SORBS2: variants seen among roughly 807,000 people sequenced by gnomAD.
SORBS2 encodes sorbin and SH3 domain-containing protein 2.
SORBS2 carries 46 observed loss-of-function variants against 97.7 expected under a neutral mutation model. That is an observed-to-expected ratio of 0.47 (90% confidence interval 0.37 to 0.60). SORBS2 has a LOEUF of 0.60. SORBS2 is among the 20% of genes least tolerant of loss of function. The pLI, the probability that SORBS2 is intolerant of heterozygous loss-of-function variation, is 0.00. For missense variants in SORBS2, 1,316 were observed against 1,282.3 expected (o/e 1.03, Z -0.40); for synonymous variants, 476 against 473.4 (o/e 1.01, Z -0.07).
chr4:185,634,422 A>C (rs1328744641), intron 4 of SORBS2, among the ~76,000 whole-genome samples: 1 of 152,140 alleles, frequency 6.6e-6, no homozygotes, highest in Non-Finnish European at 1.5e-5. Flanking sequence ...TGCAAAAAAC[A>C]GTTTATTTAC....
chr4:185,716,492 C>T (rs1045730863), intron 2 of SORBS2, among the ~76,000 whole-genome samples: 1 of 152,208 alleles, frequency 6.6e-6, no homozygotes, highest in Non-Finnish European at 1.5e-5. Context: ...GCCTTGGCAC[C>T]GACAGGTGTG....
chr4:185,741,553 C>T (rs559863543), intron 2 of SORBS2, among the ~76,000 whole-genome samples: 1 of 151,578 alleles, frequency 6.6e-6, no homozygotes, highest in African/African-American at 2.4e-5. Flanking sequence ...ATTTTTAGTA[C>T]AGATGGAGTT....
chr4:185,626,023 G>A (rs114125950), intron 6 of SORBS2, among the ~76,000 whole-genome samples: 4 of 152,286 alleles, frequency 2.6e-5, no homozygotes, highest in Non-Finnish European at 5.9e-5. Flanking sequence ...CCCACATTTG[G>A]TAGAGCCCTA....
At position 185,827,066 on chromosome 4, in the gene SORBS2, T is replaced by C. The variant is rs111393236; in HGVS notation, c.-337-51700A>G. On this transcript the variant is annotated intron_variant, in intron 1 of 20. Coordinates refer to the SORBS2 transcript ENST00000284776. The stretch of plus-strand genomic sequence containing the variant: ...ATCACCACCATCACCATCATCATCA[T>C]CACCATCATCATCACCATCATCACC... Among the ~76,000 whole-genome samples, 266 of 92,086 alleles carry C rather than the reference T, an allele frequency of 2.9e-3. 1 individual carries two copies. The highest frequency in any genetic ancestry group is 9.8e-3 in the African/African-American group (247 of 25,136). The allele number at this position is 92,086 out of a possible 152,430, so 60.4% of individuals were successfully genotyped here.
At chr4:185,743,054 T>A (rs2098737353) in intron 2 of SORBS2, among the ~76,000 whole-genome samples, 1 of 152,168 alleles carries the variant, frequency 6.6e-6, no homozygotes. Context: ...TTTACACCCA[T>A]CTGTGAAAGA....
chr4:185,647,250 G>A (rs930296843), intron 3 of SORBS2, among the ~76,000 whole-genome samples: 10 of 152,098 alleles, frequency 6.6e-5, no homozygotes, highest in African/African-American at 2.2e-4. Flanking sequence ...TTTGGTGTGA[G>A]CCTTGAAAAA....
At chr4:185,657,951 A>G (rs2097435947), upstream of SORBS2, among the ~76,000 whole-genome samples, 1 of 152,202 alleles carries the variant, frequency 6.6e-6, no homozygotes, top group Non-Finnish European at 1.5e-5. Context: ...AACCAGTGTT[A>G]TAGATAAGGG....
intron 4 of SORBS2, among the ~76,000 whole-genome samples, chr4:185,667,348 T>C (rs2097626583): frequency 6.6e-6 from 1 of 152,204 alleles, no homozygotes; most frequent in African/African-American, 2.4e-5. Flanking sequence ...TAATGACTGA[T>C]GTCATGCACG....
At chr4:185,870,353 T>C (rs1172250885) in intron 1 of SORBS2, among the ~76,000 whole-genome samples, 3 of 152,234 alleles carry the variant, frequency 2.0e-5, no homozygotes. Context: ...CAGAAGACTG[T>C]GAGCTCTGAG....
intron 1 of SORBS2, among the ~76,000 whole-genome samples, chr4:185,879,488 A>G (rs993952675): frequency 8.2e-4 from 125 of 152,306 alleles, no homozygotes; most frequent in Admixed American, 1.4e-3. Flanking sequence ...ATACGTGTGC[A>G]TGTGTCTTTA....
At position 185,938,217 on chromosome 4, in the gene SORBS2, C is replaced by T. The variant is rs184702305; in HGVS notation, c.-338+17979G>A. On this transcript the variant is annotated intron_variant, in intron 1 of 20. Coordinates refer to the SORBS2 transcript ENST00000284776. Reference sequence around the variant, plus strand: ...TTCACCAGGTTGGCCAGGCTAGTCTCGAACTTCGGACCTCAGGTCATCCAC... The same window carrying T: ...TTCACCAGGTTGGCCAGGCTAGTCTTGAACTTCGGACCTCAGGTCATCCAC... Among the ~76,000 whole-genome samples the T allele has an allele frequency of 2.4e-4, 37 of 151,948 alleles. 1 individual carries two copies. In the East Asian group the frequency reaches 6.4e-3, roughly 26 times the overall value.
Position 185,694,706 on chromosome 4 carries a change from C to CTTTTTTTTTTTTT in SORBS2, c.-197-15885_-197-15884insAAAAAAAAAAAAA, listed in dbSNP as rs1200094039. On this transcript the variant is annotated intron_variant, in intron 2 of 20. Coordinates refer to the SORBS2 transcript ENST00000284776. The stretch of plus-strand genomic sequence containing the variant: ...TTTCTTTTTCTTTTTCCTTTTCTTT[C>CTTTTTTTTTTTTT]TTTTCTTTTCTTTTTTTTGAGACGG... 8.1e-3 allele frequency among the ~76,000 whole-genome samples: 1,002 copies of CTTTTTTTTTTTTT among 123,980 alleles called. 92 individuals are homozygous for CTTTTTTTTTTTTT. Among genetic ancestry groups the CTTTTTTTTTTTTT allele is most frequent in the Non-Finnish European group, 9.8e-3 (586 of 59,910 alleles). 81.3% of individuals were successfully genotyped at this position (123,980 alleles called of 152,430 possible).
intron 4 of SORBS2, among the ~76,000 whole-genome samples, chr4:185,668,187 A>G (rs1396013221): frequency 1.3e-5 from 2 of 152,238 alleles, no homozygotes; most frequent in African/African-American, 2.4e-5. Flanking sequence ...TATGACTTGA[A>G]ACATGTCAAA....
chr4:185,877,557 G>A (rs892271180), intron 1 of SORBS2, among the ~76,000 whole-genome samples: 1 of 152,034 alleles, frequency 6.6e-6, no homozygotes, highest in African/African-American at 2.4e-5. Context: ...AGAATTCTGT[G>A]ATAATTGCTC....
At chr4:185,683,634 A>G (rs2097907484) in intron 2 of SORBS2, among the ~76,000 whole-genome samples, 1 of 152,206 alleles carries the variant, frequency 6.6e-6, no homozygotes, top group East Asian at 1.9e-4. Flanking sequence ...ATGAGGTCAT[A>G]CTATAAACCT....
At position 185,684,567 on chromosome 4, in the gene SORBS2, G is replaced by A. The variant is rs369698554; in HGVS notation, c.-197-5745C>T. Among the ~76,000 whole-genome samples, 5 of 151,610 alleles carry A rather than the reference G, an allele frequency of 3.3e-5. No homozygotes were observed. The highest frequency in any genetic ancestry group is 1.2e-4 in the African/African-American group (5 of 41,264). On this transcript the variant is annotated intron_variant, in intron 2 of 20. Coordinates refer to the SORBS2 transcript ENST00000284776. This position sits in a 1 kb window ranked among gnomAD's most constrained non-coding sequence, Gnocchi z 4.2. ...CTTAAGTTCATGAGATAACAAAAAC[G>A]TGAATAGTTATTAACACTCGCAGTT...
intron 1 of SORBS2, among the ~76,000 whole-genome samples, chr4:185,863,251 C>T (rs952731558): frequency 7.2e-5 from 11 of 151,928 alleles, no homozygotes; most frequent in African/African-American, 2.7e-4. Context: ...TAATATAGAC[C>T]TTTATTGAGT....
At chr4:185,884,077 C>T (rs1010416941) in intron 1 of SORBS2, among the ~76,000 whole-genome samples, 8 of 152,054 alleles carry the variant, frequency 5.3e-5, no homozygotes, top group South Asian at 2.1e-4. Flanking sequence ...GGGAACTTCA[C>T]GGGGTGGAGG....
intron 2 of SORBS2, among the ~76,000 whole-genome samples, chr4:185,708,371 C>G (rs746517905): frequency 2.8e-4 from 43 of 152,328 alleles, no homozygotes; most frequent in Middle Eastern, 3.4e-3. Context: ...GCACAACCAG[C>G]GTTTGTTTAA....
Sources: allele counts gnomAD v4.1 joint callset (sites outside exome capture counted in the v4.1 genomes callset), GRCh38; gene constraint gnomAD v4.1.1; non-coding constraint Gnocchi (gnomAD v3.1); transcripts MANE v1.5; gene names NCBI Gene and HGNC (gene_info 2026-07-23, HGNC 2026-07-21).